SLC24A2: variants seen among roughly 807,000 people sequenced by gnomAD.
SLC24A2 encodes the protein solute carrier family 24 member 2.
In SLC24A2, 36 loss-of-function variants were observed where a neutral mutation model predicts 62.0. That is an observed-to-expected ratio of 0.58 (90% CI 0.44 to 0.77). SLC24A2 has a LOEUF of 0.77. Ranked by LOEUF, SLC24A2 falls within the 30% of genes least tolerant of loss-of-function variation. SLC24A2 has a pLI of 0.00. For missense variants in SLC24A2, 846 were observed against 817.9 expected (o/e 1.03, Z -0.42); for synonymous variants, 358 against 294.0 (o/e 1.22, Z -2.23).
chr9:19,521,198 A>G lies in SLC24A2; in HGVS notation c.1570-138T>C, dbSNP rs1004021522. The G allele has an allele frequency of 6.5e-5, 51 of 781,800 alleles. No individual in the cohort carries two copies. The African/African-American group carries it at 7.5e-4, about 12-fold the overall frequency. 48.4% of individuals were successfully genotyped at this position (781,800 alleles called of 1,614,324 possible). On this transcript the variant is annotated intron_variant, in intron 9 of 10. Coordinates refer to ENST00000341998, the MANE Select transcript of SLC24A2 (RefSeq NM_020344.4). ...AAGTGCTGAGATGATAAAGATGAAT[A>G]AGCCACAGTCATTGCTAATAGAGTT...
the SLC24A2 span, among the ~76,000 whole-genome samples, chr9:19,823,979 C>T: frequency 5.9e-5 from 9 of 152,098 alleles, no homozygotes; most frequent in Admixed American, 1.3e-4. Flanking sequence ...ATGCAGAAAA[C>T]GGAAACTGGA....
At chr9:19,714,866 T>G (rs967770847) in intron 2 of SLC24A2, among the ~76,000 whole-genome samples, 9 of 152,192 alleles carry the variant, frequency 5.9e-5, no homozygotes, top group African/African-American at 2.2e-4. Flanking sequence ...TAGACATGTT[T>G]GCCCTACATA....
At chr9:19,765,149 G>A (rs1259465769) in intron 2 of SLC24A2, among the ~76,000 whole-genome samples, 1 of 151,710 alleles carries the variant, frequency 6.6e-6, no homozygotes, top group Admixed American at 6.6e-5. Flanking sequence ...CATTTGCTTA[G>A]TAAATCTTCC....
the SLC24A2 span, among the ~76,000 whole-genome samples, chr9:20,095,715 C>T: frequency 2.0e-5 from 3 of 151,538 alleles, no homozygotes; most frequent in East Asian, 5.8e-4. Flanking sequence ...TGTATTAGTT[C>T]GTTTTCATGC....
chr9:19,614,775 G>C (rs186228696), intron 4 of SLC24A2, among the ~76,000 whole-genome samples: 1 of 152,062 alleles, frequency 6.6e-6, no homozygotes, highest in East Asian at 1.9e-4. Context: ...GACCACAGGG[G>C]GAATCAGGGG....
the SLC24A2 span, among the ~76,000 whole-genome samples, chr9:20,192,386 T>C: frequency 6.6e-6 from 1 of 151,944 alleles, no homozygotes; most frequent in Admixed American, 6.6e-5. Context: ...GATATATATA[T>C]ATATTTAAGA....
At chr9:20,000,770 C>A in the SLC24A2 span, among the ~76,000 whole-genome samples, 18 of 152,246 alleles carry the variant, frequency 1.2e-4, no homozygotes, top group African/African-American at 4.3e-4. Flanking sequence ...AATATACATG[C>A]CCTAGAGACT....
intron 2 of SLC24A2, among the ~76,000 whole-genome samples, chr9:19,760,903 G>A (rs986131308): frequency 2.0e-5 from 3 of 150,576 alleles, no homozygotes; most frequent in Non-Finnish European, 4.4e-5. Context: ...TCACACACCA[G>A]GGCCTGTTGC....
At chr9:19,560,879 T>TTGTGTGTG (rs779469797) in intron 7 of SLC24A2, among the ~76,000 whole-genome samples, 3,415 of 137,042 alleles carry the variant, frequency 0.025, 47 homozygotes, top group Middle Eastern at 0.032. Flanking sequence ...GTCTTTGCAT[T>TTGTGTGTG]TGTGTGTGTG....
At chr9:20,262,683 A>T in the SLC24A2 span, among the ~76,000 whole-genome samples, 2 of 152,214 alleles carry the variant, frequency 1.3e-5, no homozygotes, top group Non-Finnish European at 2.9e-5. Flanking sequence ...GCCTGTATAA[A>T]ATGGAAACCA....
At chr9:19,924,370 T>TG in the SLC24A2 span, among the ~76,000 whole-genome samples, 274 of 152,318 alleles carry the variant, frequency 1.8e-3, 1 homozygote, top group African/African-American at 6.4e-3. Context: ...TGGCTGCTTT[T>TG]GGGGGAGTCC....
At chr9:20,047,081 T>TAGCCTATCAGCCTATCAGCCTATC in the SLC24A2 span, among the ~76,000 whole-genome samples, 30 of 152,214 alleles carry the variant, frequency 2.0e-4, no homozygotes, top group African/African-American at 6.7e-4. Context: ...GGTTCAGCAA[T>TAGCCTATCAGCCTATCAGCCTATC]AGCCTATCAG....
the SLC24A2 span, among the ~76,000 whole-genome samples, chr9:20,042,095 G>A: frequency 1.4e-4 from 22 of 152,344 alleles, no homozygotes; most frequent in African/African-American, 3.8e-4. Flanking sequence ...CCACTGAGGG[G>A]AGCACTGTCC....
the SLC24A2 span, among the ~76,000 whole-genome samples, chr9:20,203,788 C>G: frequency 0.1 from 15,391 of 152,142 alleles, 947 homozygotes; most frequent in Middle Eastern, 0.19. Flanking sequence ...ACATCCCAAC[C>G]CAAACTCTGT....
At chr9:19,906,060 T>G in the SLC24A2 span, among the ~76,000 whole-genome samples, 10 of 152,266 alleles carry the variant, frequency 6.6e-5, 1 homozygote, top group African/African-American at 2.4e-4. Context: ...ATTCCAAAAC[T>G]GACCACATAC....
At chr9:19,898,842 G>T in the SLC24A2 span, among the ~76,000 whole-genome samples, 3 of 151,308 alleles carry the variant, frequency 2.0e-5, no homozygotes, top group Non-Finnish European at 4.4e-5. Context: ...TTATAAACAA[G>T]AGAATCTACT....
chr9:19,570,599 C>T (rs1382099398), intron 7 of SLC24A2, among the ~76,000 whole-genome samples: 3 of 152,190 alleles, frequency 2.0e-5, no homozygotes, highest in Admixed American at 1.3e-4. Flanking sequence ...GGAAAGGACA[C>T]CTCGAATGGT....
At chr9:20,117,858 C>T in the SLC24A2 span, among the ~76,000 whole-genome samples, 1 of 152,048 alleles carries the variant, frequency 6.6e-6, no homozygotes, top group Admixed American at 6.6e-5. Flanking sequence ...AATCAGTATA[C>T]TATTACACTA....
At chr9:19,736,736 T>C (rs140471971) in intron 2 of SLC24A2, among the ~76,000 whole-genome samples, 196 of 152,190 alleles carry the variant, frequency 1.3e-3, no homozygotes, top group South Asian at 4.4e-3. Flanking sequence ...CCTGTAATCT[T>C]AGCTACTCAG....
Sources: allele counts gnomAD v4.1 joint callset (sites outside exome capture counted in the v4.1 genomes callset), GRCh38; gene constraint gnomAD v4.1.1; transcripts MANE v1.5; gene names NCBI Gene and HGNC (gene_info 2026-07-23, HGNC 2026-07-21).